Variants in SEMA5A observed in about 807,000 individuals in gnomAD.
SEMA5A encodes semaphorin 5A, also known as semaphorin-5A.
SEMA5A carries 55 observed loss-of-function variants against 135.5 expected under a neutral mutation model. The observed-to-expected ratio is 0.41, with a 90% confidence interval of 0.33 to 0.51. The LOEUF (loss-of-function observed/expected upper bound fraction) is 0.51. Among genes scored for constraint, SEMA5A ranks in the 20% least tolerant of loss-of-function variants. The pLI is 0.37. For synonymous variants in SEMA5A, 580 were observed against 546.5 expected (o/e 1.06, Z -0.85); for missense variants, 1,290 against 1,419.9 (o/e 0.91, Z 1.47).
chr5:9,449,386 G>T (rs1232354311), intron 1 of SEMA5A, among the ~76,000 whole-genome samples: 1 of 151,994 alleles, frequency 6.6e-6, no homozygotes, highest in African/African-American at 2.4e-5. Context: ...ATGGATATAT[G>T]GGGGGGAACA....
chr5:9,438,024 C>T (rs957014459), intron 1 of SEMA5A, among the ~76,000 whole-genome samples, 172 bp from the exon 2 acceptor site: 1 of 152,156 alleles, frequency 6.6e-6, no homozygotes, highest in African/African-American at 2.4e-5. Context: ...AATCATGCTA[C>T]CCTAGTTCAG....
At chr5:9,469,344 T>C (rs1422707452) in intron 1 of SEMA5A, among the ~76,000 whole-genome samples, 3 of 152,204 alleles carry the variant, frequency 2.0e-5, no homozygotes, top group African/African-American at 7.2e-5. Flanking sequence ...GAATTTAGCA[T>C]AAGGTCATGC....
At chr5:9,177,091 A>G (rs1744246728) in intron 11 of SEMA5A, among the ~76,000 whole-genome samples, 1 of 152,228 alleles carries the variant, frequency 6.6e-6, no homozygotes, top group Admixed American at 6.5e-5. Flanking sequence ...TGCTCCAGCA[A>G]CACAACAGAA....
intron 1 of SEMA5A, among the ~76,000 whole-genome samples, chr5:9,543,836 GAAAAA>G (rs10535269): frequency 6.2e-5 from 9 of 144,770 alleles, no homozygotes; most frequent in African/African-American, 1.3e-4. Context: ...TATTTTTCAT[GAAAAA>G]AAAAAAAAAA....
chr5:9,271,076 G>C (rs1749950896), intron 5 of SEMA5A, among the ~76,000 whole-genome samples: 2 of 152,096 alleles, frequency 1.3e-5, no homozygotes, highest in Non-Finnish European at 2.9e-5. Flanking sequence ...GGCCTGGTGG[G>C]AGGTCTTTGG....
intron 16 of SEMA5A, among the ~76,000 whole-genome samples, chr5:9,088,439 G>A (rs574005532): frequency 6.6e-6 from 1 of 150,596 alleles, no homozygotes; most frequent in Middle Eastern, 3.4e-3. Context: ...CTCTTATACT[G>A]TGACAGAAAA....
chr5:9,454,269 CA>C (rs112660990), intron 1 of SEMA5A, among the ~76,000 whole-genome samples: 14 of 152,270 alleles, frequency 9.2e-5, no homozygotes, highest in African/African-American at 3.1e-4. Context: ...TAATGTGAAC[CA>C]GATCCTCATC....
intron 19 of SEMA5A, among the ~76,000 whole-genome samples, chr5:9,053,550 T>G (rs1736712238): frequency 6.6e-6 from 1 of 152,124 alleles, no homozygotes; most frequent in Non-Finnish European, 1.5e-5. Context: ...TAGAAGTCAT[T>G]CCTGGAACAC....
At chr5:9,278,361 TG>T (rs1750372353) in intron 5 of SEMA5A, among the ~76,000 whole-genome samples, 1 of 152,208 alleles carries the variant, frequency 6.6e-6, no homozygotes, top group Admixed American at 6.5e-5. Flanking sequence ...TATGTTCATA[TG>T]CATGAACAAA....
At chr5:9,055,854 T>A (rs1054213099) in intron 18 of SEMA5A, among the ~76,000 whole-genome samples, 1 of 139,768 alleles carries the variant, frequency 7.2e-6, no homozygotes, top group East Asian at 2.2e-4. Context: ...AAGCCAGGCA[T>A]GTGTTTTCCT....
chr5:9,180,279 A>G (rs532085964), intron 11 of SEMA5A, among the ~76,000 whole-genome samples: 3 of 152,268 alleles, frequency 2.0e-5, no homozygotes, highest in Admixed American at 6.5e-5. Flanking sequence ...CTTTGGGAAC[A>G]CACTTTAACC....
In SEMA5A at chr5:9,255,276, A is replaced by T. The variant is rs188075958; in HGVS notation, c.271-17386T>A. Among the ~76,000 whole-genome samples, 13 of 152,324 alleles carry T rather than the reference A, an allele frequency of 8.5e-5. No individual in the cohort carries two copies. In the East Asian group the frequency reaches 2.3e-3, roughly 27 times the overall value. On this transcript the variant is annotated intron_variant, in intron 5 of 22. Transcript: ENST00000382496. ...TTGAGGGGAAAGGAATGGAACAAGA[A>T]GTCACCTACAATTGCTCACACAATC...
chr5:9,329,035 T>A (rs114921814), intron 4 of SEMA5A, among the ~76,000 whole-genome samples: 1 of 152,284 alleles, frequency 6.6e-6, no homozygotes, highest in African/African-American at 2.4e-5. Flanking sequence ...TTCAGCCTCA[T>A]CAGAATCTCT....
intron 5 of SEMA5A, among the ~76,000 whole-genome samples, chr5:9,273,760 A>G (rs10077460): frequency 8.1e-4 from 123 of 152,266 alleles, no homozygotes; most frequent in African/African-American, 2.8e-3. Context: ...GTGAATGAGA[A>G]ATAAAATCCT....
intron 4 of SEMA5A, among the ~76,000 whole-genome samples, chr5:9,329,178 T>C (rs1230445409): frequency 6.6e-6 from 1 of 152,152 alleles, no homozygotes; most frequent in East Asian, 1.9e-4. Flanking sequence ...TCTTGGTGTT[T>C]TCAGGACCCT....
Position 9,159,840 on chromosome 5 carries a change from G to A in SEMA5A, c.1274-5145C>T, listed in dbSNP as rs148609449. Among the ~76,000 whole-genome samples, 27 of 152,172 alleles carry A rather than the reference G, an allele frequency of 1.8e-4. No homozygotes were observed. In the East Asian group the frequency reaches 4.8e-3, roughly 27 times the overall value. Reference sequence around the variant, plus strand: ...ATGATAGACTGGATAAAGAAAATGTGGTACATATACACCATGGAATACTAC... The same window carrying A: ...ATGATAGACTGGATAAAGAAAATGTAGTACATATACACCATGGAATACTAC... On this transcript the variant is annotated intron_variant, in intron 11 of 22. Transcript: ENST00000382496.
intron 4 of SEMA5A, among the ~76,000 whole-genome samples, chr5:9,334,500 C>T (rs1276460913): frequency 3.3e-5 from 5 of 152,222 alleles, no homozygotes; most frequent in Non-Finnish European, 7.3e-5. Context: ...CCCATGAAGA[C>T]CCTCAGAGCT....
Position 9,545,499 on chromosome 5 carries a change from G to A in SEMA5A, c.-175+85C>T, listed in dbSNP as rs55830667. 0.11 allele frequency: 16,432 copies of A among 152,284 alleles called. 938 individuals are homozygous for A. The highest frequency in any genetic ancestry group is 0.14 in the South Asian group (682 of 4,808). The allele number at this position is 152,284 out of a possible 1,614,324, so 9.4% of individuals were successfully genotyped here. On this transcript the variant is annotated intron_variant, in intron 1 of 22. Transcript: ENST00000382496. This position sits in a 1 kb window ranked among gnomAD's most constrained non-coding sequence, Gnocchi z 4.5. Reference sequence around the variant, plus strand: ...CCACCAGCCGACCGCTGCAGTCCCCGGGTCCCGGCCAGCGGCGCGGCGCGG... The same window carrying A: ...CCACCAGCCGACCGCTGCAGTCCCCAGGTCCCGGCCAGCGGCGCGGCGCGG...
intron 12 of SEMA5A, among the ~76,000 whole-genome samples, chr5:9,138,751 C>T (rs1046253071): frequency 6.6e-6 from 1 of 152,166 alleles, no homozygotes; most frequent in Non-Finnish European, 1.5e-5. Context: ...TTATCCCTCA[C>T]CCCCTTCCTA....
Sources: allele counts gnomAD v4.1 joint callset (sites outside exome capture counted in the v4.1 genomes callset), GRCh38; gene constraint gnomAD v4.1.1; non-coding constraint Gnocchi (gnomAD v3.1); transcripts MANE v1.5; gene names NCBI Gene and HGNC (gene_info 2026-07-23, HGNC 2026-07-21).